TAFA1: variants seen among roughly 807,000 people sequenced by gnomAD.
TAFA1 encodes the protein chemokine-like protein TAFA-1.
Under a neutral mutation model 18.5 loss-of-function variants are expected in TAFA1, and 4 were observed. The ratio of observed to expected loss-of-function variants is 0.22; its 90% CI spans 0.11 to 0.49. The LOEUF is 0.49. TAFA1 is among the 20% of genes least tolerant of loss of function. The pLI, the probability that TAFA1 is intolerant of heterozygous loss-of-function variation, is 0.98. For missense variants in TAFA1, 147 were observed against 169.0 expected, an observed-to-expected ratio of 0.87 and a Z score of 0.72; for synonymous variants, 56 against 55.2, an observed-to-expected ratio of 1.01 and a Z score of -0.06.
rs540738961 is a variant in TAFA1 at position 68,516,253 on chromosome 3, C to T, written c.260-22503C>T. ...CTTTTATTGGTCATCACTGATAAAA[C>T]TTGATTGCTTAATATTTTTTCCTGA... On this transcript the variant is annotated intron_variant, in intron 3 of 4. Transcript: ENST00000478136. Among the ~76,000 whole-genome samples, 3 of 152,192 alleles carry T rather than the reference C, an allele frequency of 2.0e-5. No homozygotes were observed. In the South Asian group the frequency reaches 6.2e-4, roughly 32 times the overall value.
At chr3:68,458,899 A>G (rs2071719474) in intron 3 of TAFA1, among the ~76,000 whole-genome samples, 1 of 152,256 alleles carries the variant, frequency 6.6e-6, no homozygotes, top group Middle Eastern at 3.4e-3. Flanking sequence ...AACAGACTCT[A>G]AAACAGATTT....
At chr3:68,305,454 T>TAC (rs2068398538) in intron 2 of TAFA1, among the ~76,000 whole-genome samples, 1 of 104,696 alleles carries the variant, frequency 9.6e-6, no homozygotes, top group African/African-American at 3.6e-5. Context: ...TATATATATA[T>TAC]ATAGGTAGAA....
At chr3:68,233,503 T>C (rs1204060878) in intron 2 of TAFA1, among the ~76,000 whole-genome samples, 2 of 152,254 alleles carry the variant, frequency 1.3e-5, no homozygotes, top group Non-Finnish European at 2.9e-5. Flanking sequence ...TCTGTTTTTA[T>C]ACTAATGCCA....
At chr3:68,191,029 T>C (rs774147913) in intron 2 of TAFA1, among the ~76,000 whole-genome samples, 4 of 151,768 alleles carry the variant, frequency 2.6e-5, no homozygotes, top group Non-Finnish European at 5.9e-5. Flanking sequence ...GCTTGTGAAA[T>C]TCAGATATTT....
chr3:68,253,748 G>T (rs2067240752), intron 2 of TAFA1, among the ~76,000 whole-genome samples: 1 of 152,276 alleles, frequency 6.6e-6, no homozygotes, highest in Non-Finnish European at 1.5e-5. Flanking sequence ...CTTGGTCAAT[G>T]ATACTAAATT....
intron 2 of TAFA1, among the ~76,000 whole-genome samples, chr3:68,234,618 C>A (rs13069239): frequency 6.6e-6 from 1 of 151,908 alleles, no homozygotes; most frequent in African/African-American, 2.4e-5. Context: ...GACACTGCTC[C>A]ACTTTTCACC....
At chr3:68,450,839 T>C (rs1459275257) in intron 3 of TAFA1, among the ~76,000 whole-genome samples, 1 of 152,308 alleles carries the variant, frequency 6.6e-6, no homozygotes, top group South Asian at 2.1e-4. Context: ...GTTATGTAAT[T>C]ATGATCTGAT....
intron 3 of TAFA1, among the ~76,000 whole-genome samples, chr3:68,536,011 G>A (rs2073274036): frequency 6.6e-6 from 1 of 152,156 alleles, no homozygotes; most frequent in Non-Finnish European, 1.5e-5. Context: ...AGATGAATGT[G>A]TGTCTCAAAA....
At chr3:68,287,914 T>G (rs77789652) in intron 2 of TAFA1, among the ~76,000 whole-genome samples, 18,909 of 49,656 alleles carry the variant, frequency 0.38, 2,616 homozygotes, top group Non-Finnish European at 0.47. Flanking sequence ...TGTTGGGGGG[T>G]GGGGGGGCTT....
intron 3 of TAFA1, among the ~76,000 whole-genome samples, chr3:68,508,442 T>A (rs981589397): frequency 6.6e-6 from 1 of 151,998 alleles, no homozygotes; most frequent in African/African-American, 2.4e-5. Context: ...CTCTTCGTTA[T>A]CTTATTTACT....
At chr3:68,178,249 G>T (rs1011245271) in intron 2 of TAFA1, among the ~76,000 whole-genome samples, 6 of 152,064 alleles carry the variant, frequency 3.9e-5, no homozygotes, top group Non-Finnish European at 7.3e-5. Context: ...TTTTCAAGTT[G>T]TCATCTATTT....
Position 68,370,286 on chromosome 3 carries a change from CAAAAA to C in TAFA1, c.119-46962_119-46958del, listed in dbSNP as rs71618234. Among the ~76,000 whole-genome samples the C allele has an allele frequency of 4.5e-3, 49 of 10,816 alleles. 7 individuals are homozygous for C. Among genetic ancestry groups the C allele is most frequent in the South Asian group, 0.018 (2 of 110 alleles). The allele number at this position is 10,816 out of a possible 152,430, so 7.1% of individuals were successfully genotyped here. On this transcript the variant is annotated intron_variant, in intron 2 of 4. Transcript: ENST00000478136. ...CTGGGCGACAAGGGAGACCCCATCT[CAAAAA>C]AAAAAAAAAAAAAAAAAAAAAAAAA...
At chr3:68,330,657 C>T (rs189475662) in intron 2 of TAFA1, among the ~76,000 whole-genome samples, 46 of 152,200 alleles carry the variant, frequency 3.0e-4, no homozygotes, top group African/African-American at 1.0e-3. Flanking sequence ...ATTAAGTTGC[C>T]TTGGGTCACA....
chr3:68,085,354 G>A (rs900332359), intron 2 of TAFA1, among the ~76,000 whole-genome samples: 1 of 152,148 alleles, frequency 6.6e-6, no homozygotes, highest in Non-Finnish European at 1.5e-5. Flanking sequence ...AACATACAGA[G>A]TATGCAACAT....
intron 2 of TAFA1, among the ~76,000 whole-genome samples, chr3:68,021,151 A>C (rs368719262): frequency 1.6e-4 from 20 of 124,234 alleles, no homozygotes; most frequent in African/African-American, 5.2e-4. Context: ...GTGCCACTGC[A>C]CTCCAGCCTA....
intron 3 of TAFA1, among the ~76,000 whole-genome samples, chr3:68,451,308 T>C (rs2071563345): frequency 1.3e-5 from 2 of 152,182 alleles, no homozygotes; most frequent in African/African-American, 4.8e-5. Flanking sequence ...AAACGTCTGT[T>C]AAATGAATGC....
chr3:68,216,400 C>T (rs1395550577), intron 2 of TAFA1, among the ~76,000 whole-genome samples: 3 of 151,994 alleles, frequency 2.0e-5, no homozygotes, highest in African/African-American at 7.2e-5. Context: ...TATAAAACAC[C>T]TTCACTGAAG....
At chr3:68,251,351 G>A (rs1190845600) in intron 2 of TAFA1, among the ~76,000 whole-genome samples, 3 of 152,196 alleles carry the variant, frequency 2.0e-5, no homozygotes, top group Non-Finnish European at 4.4e-5. Context: ...TATATGCTAA[G>A]TACTAAGACA....
At chr3:68,013,336 A>G (rs1704508495) in intron 2 of TAFA1, among the ~76,000 whole-genome samples, 1 of 152,088 alleles carries the variant, frequency 6.6e-6, no homozygotes, top group Non-Finnish European at 1.5e-5. Flanking sequence ...CATAAACATT[A>G]TTTTGTCAGT....
Sources: gnomAD v4.1 joint callset for allele counts (sites outside exome capture counted in the v4.1 genomes callset) on GRCh38, gnomAD v4.1.1 for gene constraint, MANE v1.5 for transcripts, NCBI Gene and HGNC (gene_info 2026-07-23, HGNC 2026-07-21) for gene names.